The following BRD9 variants were observed in gnomAD, a reference collection of about 807,000 sequenced individuals.
The protein encoded by BRD9 is bromodomain containing 9, also known as bromodomain-containing protein 9.
Under a neutral mutation model 68.7 loss-of-function variants are expected in BRD9, and 47 were observed. The ratio of observed to expected loss-of-function variants is 0.68; its 90% CI spans 0.54 to 0.87. The LOEUF (loss-of-function observed/expected upper bound fraction) is 0.87. BRD9 is among the 40% of genes least tolerant of loss of function. The pLI is 0.00. For missense variants in BRD9, 670 were observed against 748.4 expected, an observed-to-expected ratio of 0.90 and a Z score of 1.22; for synonymous variants, 313 against 293.9, an observed-to-expected ratio of 1.06 and a Z score of -0.67.
chr5:865,504 G>A lies in BRD9; in HGVS notation c.1603C>T (p.His535Tyr). Residue 535 changes from histidine (H) to tyrosine (Y), a missense_variant, in exon 15 of 16, where the codon CAC becomes TAC. His to Tyr is a moderately conservative substitution (Grantham distance 83). This residue lies in a region of BRD9 where 280 missense variants were observed against 281.5 expected (regional missense o/e 0.99). Transcript: ENST00000467963. ...DETTKLLQDL[H>Y]EAQAERGGSR... ...CCGCCGCGCTCCGCCTGTGCTTCGT[G>A]CAGGTCCTGCAGGAGCTTCGTCGTC... is the stretch of plus-strand genomic sequence containing the variant. 2 of 1,608,204 alleles carry A rather than the reference G, an allele frequency of 1.2e-6. No homozygotes were observed. The highest frequency in any genetic ancestry group is 2.2e-5 in the South Asian group (2 of 91,038).
intron 6 of BRD9, chr5:886,919 T>C (rs1752655123): frequency 2.5e-6 from 2 of 797,020 alleles, no homozygotes; most frequent in South Asian, 1.8e-5. Context: ...TGTGGGGGCT[T>C]GACCCACCGC....
chr5:872,868 G>T (rs1263869815), intron 12 of BRD9, among the ~76,000 whole-genome samples: 3 of 152,176 alleles, frequency 2.0e-5, no homozygotes, highest in African/African-American at 7.2e-5. Flanking sequence ...AGAAAGTAAA[G>T]ACAACCTCCC....
chr5:864,384 A>G lies in BRD9; in HGVS notation c.*84T>C. ...CCCGCATGCCAAAGGGGACAGGATC[A>G]AAGTCCTTGTCTGATGACAAAAACT... On this transcript the variant is annotated 3_prime_UTR_variant, in exon 16 of 16. Coordinates refer to ENST00000467963, the MANE Select transcript of BRD9 (RefSeq NM_023924.5). The G allele has an allele frequency of 8.4e-7, 1 of 1,196,346 alleles. No individual in the cohort carries two copies. Among genetic ancestry groups the G allele is most frequent in the Non-Finnish European group, 1.2e-6 (1 of 854,244 alleles). The allele number at this position is 1,196,346 out of a possible 1,614,324, so 74.1% of individuals were successfully genotyped here. A position where few individuals can be genotyped will look rare whatever the true frequency, so the allele number is the denominator to read the frequency against.
intron 3 of BRD9, 55 bp downstream of exon 3, chr5:891,100 C>T (rs1753300999): frequency 6.7e-7 from 1 of 1,494,828 alleles, no homozygotes; most frequent in Non-Finnish European, 9.0e-7. Context: ...GCCGACCCCT[C>T]ATTTACAACG....
chr5:876,364 T>C (rs1047526049), intron 11 of BRD9, 152 bp from the exon 12 acceptor site: 10 of 591,014 alleles, frequency 1.7e-5, no homozygotes, highest in South Asian at 1.3e-4. Context: ...TGGCTGATAG[T>C]TTTCATTAGA....
At chr5:892,259 G>C (rs565397614) in intron 1 of BRD9, 8 of 466,566 alleles carry the variant, frequency 1.7e-5, no homozygotes, top group Non-Finnish European at 3.0e-5. Context: ...AGCTGCTGCG[G>C]GAGCAAGGGA....
chr5:876,916 G>A (rs1017921194), intron 11 of BRD9, among the ~76,000 whole-genome samples: 5 of 152,180 alleles, frequency 3.3e-5, no homozygotes, highest in Non-Finnish European at 5.9e-5. Context: ...CACTCGCAGC[G>A]TGCACGGAAG....
At chr5:865,112 T>C (rs1472147649) in intron 15 of BRD9, among the ~76,000 whole-genome samples, 2 of 152,136 alleles carry the variant, frequency 1.3e-5, no homozygotes, top group East Asian at 3.9e-4. Context: ...CCATGCTCTC[T>C]CCCCAGCAGA....
Position 883,869 on chromosome 5 carries a change from C to A in BRD9, c.966+69G>T, listed in dbSNP as rs1752161696. On this transcript the variant is annotated intron_variant, in intron 8 of 15. Transcript: ENST00000467963. Reference sequence around the variant, plus strand: ...CTGTGCTAGATCACACAGCACCAACCCAGAAGGAGAGGCACACAGAGAGTC... The same window carrying A: ...CTGTGCTAGATCACACAGCACCAACACAGAAGGAGAGGCACACAGAGAGTC... 5 of 1,571,488 alleles carry A rather than the reference C, an allele frequency of 3.2e-6. No homozygotes were observed. In the South Asian group the frequency reaches 4.6e-5, roughly 14 times the overall value.
At chr5:886,569 T>C (rs749287106) in intron 7 of BRD9, 23 bp downstream of exon 7, 3 of 1,602,944 alleles carry the variant, frequency 1.9e-6, no homozygotes, top group South Asian at 1.1e-5. Flanking sequence ...CAAAAGCAAA[T>C]GTGGTTTCCA....
At chr5:882,176 T>C (rs1162280064) in intron 8 of BRD9, 1 of 152,810 alleles carries the variant, frequency 6.5e-6, no homozygotes, top group Non-Finnish European at 1.5e-5. Flanking sequence ...AATGTGGCAA[T>C]TCCAGGGCTG....
intron 13 of BRD9, among the ~76,000 whole-genome samples, chr5:871,024 C>T (rs540363691): frequency 3.9e-5 from 6 of 152,242 alleles, no homozygotes; most frequent in Admixed American, 6.5e-5. Context: ...CCCTGCAGCT[C>T]GGCCTCTGCC....
rs1753427625 is a variant in BRD9, at chr5:891,663, C to T, written c.244G>A (p.Asp82Asn). Residue 82 changes from aspartate (D) to asparagine (N), a missense_variant, in exon 2 of 16, where the codon GAT (aspartate) becomes AAT (asparagine). By Grantham distance (23) the Asp-to-Asn change is conservative. Around this residue, in one of 5 missense-constraint regions of BRD9, gnomAD observed 161 missense variants for 148.1 expected, o/e 1.09. Coordinates refer to ENST00000467963, the MANE Select transcript of BRD9 (RefSeq NM_023924.5). ...ACCTTTCGCTTCCTTCTTTCCTCAT[C>T]GTCCAGATGCTTCTCCTTCTCGGAC... Reference protein sequence around the residue: ...KKSEKEKHLDDEERRKRKEEK... With the variant: ...KKSEKEKHLDNEERRKRKEEK... 1 of 1,551,468 alleles carries T rather than the reference C, an allele frequency of 6.4e-7. No homozygotes were observed. Among genetic ancestry groups the T allele is most frequent in the South Asian group, 1.2e-5 (1 of 84,066 alleles).
intron 11 of BRD9, 98 bp downstream of exon 11, chr5:878,257 C>T (rs1751266330): frequency 2.0e-6 from 3 of 1,537,948 alleles, no homozygotes; most frequent in Admixed American, 3.6e-5. Flanking sequence ...TGCAAGATGG[C>T]TCTCTCCCCA....
chr5:886,746 G>A (rs1299932820), intron 6 of BRD9, 39 bp from the exon 7 acceptor site: 3 of 1,613,238 alleles, frequency 1.9e-6, no homozygotes, highest in African/African-American at 1.3e-5. Context: ...GACATGCTGC[G>A]CTTCAAAGCT....
chr5:869,353 C>T (rs140777401), intron 14 of BRD9: 23 of 456,200 alleles, frequency 5.0e-5, no homozygotes, highest in African/African-American at 2.8e-4. Context: ...CACCAAATTC[C>T]GATCCGACTT....
chr5:890,701 A>C (rs1753226832), intron 3 of BRD9, among the ~76,000 whole-genome samples: 1 of 152,154 alleles, frequency 6.6e-6, no homozygotes, highest in Non-Finnish European at 1.5e-5. Context: ...ACTGACATGC[A>C]TCTCTCTTAC....
intron 12 of BRD9, among the ~76,000 whole-genome samples, chr5:874,324 T>C (rs1352826646): frequency 6.6e-6 from 1 of 152,244 alleles, no homozygotes; most frequent in Non-Finnish European, 1.5e-5. Context: ...GCATTTTACT[T>C]AGACAAATTT....
At chr5:889,863 T>G in intron 3 of BRD9, 2 of 963,596 alleles carry the variant, frequency 2.1e-6, no homozygotes, top group East Asian at 3.9e-5. Flanking sequence ...AAAAATCTCT[T>G]GTAATAACCG....
Sources: gnomAD v4.1 joint callset for allele counts (sites outside exome capture counted in the v4.1 genomes callset) on GRCh38, gnomAD v4.1.1 for gene constraint, gnomAD v4.1.1 regional missense constraint, MANE v1.5 for transcripts, NCBI Gene and HGNC (gene_info 2026-07-23, HGNC 2026-07-21) for gene names.